The following ZNF827 variants were observed in gnomAD, a reference collection of about 807,000 sequenced individuals.
ZNF827 encodes zinc finger protein 827.
In ZNF827, 13 loss-of-function variants were observed where a neutral mutation model predicts 102.4. The ratio of observed to expected loss-of-function variants is 0.13; its 90% CI spans 0.08 to 0.20. The LOEUF (loss-of-function observed/expected upper bound fraction) is 0.20. Among genes scored for constraint, ZNF827 ranks in the 10% least tolerant of loss-of-function variants. ZNF827 has a pLI of 1.00. For synonymous variants in ZNF827, 523 were observed against 536.2 expected (o/e 0.98, Z 0.34); for missense variants, 1,103 against 1,344.4 (o/e 0.82, Z 2.81).
intron 2 of ZNF827, among the ~76,000 whole-genome samples, chr4:145,901,724 T>A (rs1751432124): frequency 1.3e-5 from 2 of 152,208 alleles, no homozygotes. Context: ...TGTACAAAAG[T>A]CCATTTGTGA....
intron 2 of ZNF827, among the ~76,000 whole-genome samples, chr4:145,894,413 A>G (rs1454552361): frequency 6.6e-6 from 1 of 152,200 alleles, no homozygotes; most frequent in Admixed American, 6.5e-5. Flanking sequence ...GAATTTTTTA[A>G]TGTACACATT....
chr4:145,881,682 T>A (rs1025006058), intron 4 of ZNF827, among the ~76,000 whole-genome samples: 1 of 152,178 alleles, frequency 6.6e-6, no homozygotes, highest in Non-Finnish European at 1.5e-5. Flanking sequence ...AACTCCCCTG[T>A]CAGGAGGCCC....
At chr4:145,884,901 T>C (rs1319362935) in intron 4 of ZNF827, among the ~76,000 whole-genome samples, 1 of 152,082 alleles carries the variant, frequency 6.6e-6, no homozygotes, top group Admixed American at 6.5e-5. Flanking sequence ...TTATATGAGG[T>C]CCCTATAGTC....
chr4:145,865,039 C>G (rs140752114), intron 5 of ZNF827, among the ~76,000 whole-genome samples: 22 of 152,276 alleles, frequency 1.4e-4, no homozygotes, highest in African/African-American at 5.3e-4. Context: ...TAATTAACCT[C>G]AAATAATTGT....
rs536920086 is a variant in ZNF827, at chr4:145,900,706, G to A, written c.1093+1460C>T. ...ATTACAGGTGTGAGCCACTGCGCCC[G>A]GCCTAAAATTTTATTTTATATACAG... On this transcript the variant is annotated intron_variant, in intron 2 of 14. Coordinates refer to ENST00000508784, the MANE Select transcript of ZNF827 (RefSeq NM_001306215.2). 3.2e-4 allele frequency among the ~76,000 whole-genome samples: 48 copies of A among 152,110 alleles called. 1 individual carries two copies. Among genetic ancestry groups the A allele is most frequent in the Non-Finnish European group, 6.3e-4 (43 of 67,992 alleles).
rs528410596 is a variant in ZNF827 at position 145,870,370 on chromosome 4, G to C, written c.1856C>G (p.Pro619Arg). The C allele has an allele frequency of 1.2e-6, 2 of 1,614,102 alleles. No individual in the cohort carries two copies. Among genetic ancestry groups the C allele is most frequent in the Non-Finnish European group, 1.7e-6 (2 of 1,180,030 alleles). Residue 619 changes from proline to arginine, a missense_variant, in exon 5 of 15, where the codon CCG (proline) becomes CGG (arginine). Pro to Arg is a moderately radical substitution (Grantham distance 103). This residue lies in a region of ZNF827 where 243 missense variants were observed against 251.6 expected (regional missense o/e 0.97). Coordinates refer to ENST00000508784, the MANE Select transcript of ZNF827 (RefSeq NM_001306215.2). The stretch of plus-strand genomic sequence containing the variant: ...GCCTGGGGCTGACACTTCAGATTCC[G>C]GGCTGAACACATAGCTGGACCGAGG... ...TLPRSSYVFS[P>R]ESEVSAPGVS...
chr4:145,866,758 T>C (rs1472421648), intron 5 of ZNF827, among the ~76,000 whole-genome samples: 1 of 152,244 alleles, frequency 6.6e-6, no homozygotes, highest in Non-Finnish European at 1.5e-5. Flanking sequence ...ATACATTTTA[T>C]ATATGTATTC....
chr4:145,763,058 A>T lies in ZNF827; in HGVS notation c.*17+32T>A. Reference sequence around the variant, plus strand: ...TAAAGCCCATTCCCAGGTCAGGTGCACACACAACCCCTACGCCAAGCTGGG... The same window carrying T: ...TAAAGCCCATTCCCAGGTCAGGTGCTCACACAACCCCTACGCCAAGCTGGG... On this transcript the variant is annotated intron_variant, in intron 14 of 14. Coordinates refer to ENST00000508784, the MANE Select transcript of ZNF827 (RefSeq NM_001306215.2). This position sits in a 1 kb window ranked among gnomAD's most constrained non-coding sequence, Gnocchi z 4.6. 6.5e-7 allele frequency: 1 copy of T among 1,532,938 alleles called. No homozygotes were observed. The highest frequency in any genetic ancestry group is 8.7e-7 in the Non-Finnish European group (1 of 1,144,672). 95.0% of individuals were successfully genotyped at this position (1,532,938 alleles called of 1,614,324 possible). A position where few individuals can be genotyped will look rare whatever the true frequency, so the allele number is the denominator to read the frequency against.
At chr4:145,938,233 G>C (rs1754379665) in intron 1 of ZNF827, 132 bp downstream of exon 1, 2 of 1,072,134 alleles carry the variant, frequency 1.9e-6, no homozygotes, top group Non-Finnish European at 1.4e-6. Flanking sequence ...AGTAACCCGG[G>C]CTGTGTCTTT....
chr4:145,820,625 T>C (rs2126473698), intron 8 of ZNF827, among the ~76,000 whole-genome samples: 1 of 152,326 alleles, frequency 6.6e-6, no homozygotes, highest in South Asian at 2.1e-4. Flanking sequence ...ACGTGCTTAT[T>C]AGCAAAGCTA....
intron 7 of ZNF827, among the ~76,000 whole-genome samples, chr4:145,844,508 T>C (rs147756892): frequency 0.012 from 1,808 of 151,532 alleles, 14 homozygotes; most frequent in Non-Finnish European, 0.017. Flanking sequence ...GGCGAAACCC[T>C]GTCTTTACAA....
In ZNF827 at chr4:145,766,648, TC is replaced by T. The variant is rs151182651; in HGVS notation, c.2861-911del. On this transcript the variant is annotated intron_variant, in intron 11 of 14. Coordinates refer to ENST00000508784, the MANE Select transcript of ZNF827 (RefSeq NM_001306215.2). ...AACAACCCCAGAGACACAGAGAGGGTCCCCCTTGAGTATTCAGCAAAGTATG... is the reference window on the plus strand; with the variant it reads ...AACAACCCCAGAGACACAGAGAGGGTCCCCTTGAGTATTCAGCAAAGTATG... Among the ~76,000 whole-genome samples, 667 of 150,750 alleles carry T rather than the reference TC, an allele frequency of 4.4e-3. 5 individuals are homozygous for T. Among genetic ancestry groups the T allele is most frequent in the African/African-American group, 0.015 (616 of 41,024 alleles).
intron 9 of ZNF827, among the ~76,000 whole-genome samples, chr4:145,779,011 C>T (rs1385405667): frequency 6.6e-6 from 1 of 152,194 alleles, no homozygotes. Context: ...GGTGCCTTTT[C>T]CCTGGCTGCT....
intron 8 of ZNF827, among the ~76,000 whole-genome samples, chr4:145,806,880 A>G (rs1579244975): frequency 6.6e-6 from 1 of 152,186 alleles, no homozygotes; most frequent in East Asian, 1.9e-4. Flanking sequence ...AACAACCAAG[A>G]TAGAGAAAAT....
intron 8 of ZNF827, among the ~76,000 whole-genome samples, chr4:145,783,957 T>C (rs543383531): frequency 1.2e-4 from 18 of 152,286 alleles, no homozygotes; most frequent in Admixed American, 3.3e-4. Flanking sequence ...TGGTTTAGCA[T>C]GGTCTCTCTG....
chr4:145,880,660 C>T (rs1749583570), intron 4 of ZNF827, among the ~76,000 whole-genome samples: 2 of 152,314 alleles, frequency 1.3e-5, no homozygotes, highest in South Asian at 2.1e-4. Context: ...GCATTCAAGC[C>T]GCTTACACAT....
intron 8 of ZNF827, among the ~76,000 whole-genome samples, chr4:145,818,040 A>C (rs1283306310): frequency 1.3e-5 from 2 of 152,264 alleles, no homozygotes; most frequent in Non-Finnish European, 2.9e-5. Flanking sequence ...AAGAGAATAC[A>C]ATTAGAATTC....
intron 8 of ZNF827, among the ~76,000 whole-genome samples, chr4:145,812,717 G>A (rs1742151700): frequency 6.6e-6 from 1 of 151,598 alleles, no homozygotes; most frequent in Non-Finnish European, 1.5e-5. Context: ...TAGTGGAGAT[G>A]GGGTTTCACT....
At position 145,938,673 on chromosome 4, in the gene ZNF827, C is replaced by G; in HGVS notation, c.-266G>C. On this transcript the variant is annotated 5_prime_UTR_variant, in exon 1 of 15. Coordinates refer to ENST00000508784, the MANE Select transcript of ZNF827 (RefSeq NM_001306215.2). ...GTCGTGCACCTGGCTTGTCCCCGAG[C>G]GTAATATTCTTCAATGGAAACGGAT... 4.1e-6 allele frequency: 2 copies of G among 493,052 alleles called. No individual in the cohort carries two copies. The highest frequency in any genetic ancestry group is 2.0e-5 in the African/African-American group (1 of 50,472). The allele number at this position is 493,052 out of a possible 1,614,324, so 30.5% of individuals were successfully genotyped here. A position where few individuals can be genotyped will look rare whatever the true frequency, so the allele number is the denominator to read the frequency against.
Sources: gnomAD v4.1 joint callset for allele counts (sites outside exome capture counted in the v4.1 genomes callset) on GRCh38, gnomAD v4.1.1 for gene constraint, gnomAD v4.1.1 regional missense constraint, Gnocchi (gnomAD v3.1) non-coding constraint, MANE v1.5 for transcripts, NCBI Gene and HGNC (gene_info 2026-07-23, HGNC 2026-07-21) for gene names.